The following SLC6A2 variants were observed in gnomAD, a reference collection of about 807,000 sequenced individuals.
SLC6A2 encodes sodium-dependent noradrenaline transporter.
Under a neutral mutation model 71.7 loss-of-function variants are expected in SLC6A2, and 26 were observed. That is an observed-to-expected ratio of 0.36 (90% confidence interval 0.27 to 0.50). The LOEUF is 0.50. Among genes scored for constraint, SLC6A2 ranks in the 20% least tolerant of loss-of-function variants. The pLI, the probability that SLC6A2 is intolerant of heterozygous loss-of-function variation, is 0.96. For synonymous variants in SLC6A2, 363 were observed against 337.9 expected (o/e 1.07, Z -0.82); for missense variants, 581 against 803.9 (o/e 0.72, Z 3.35).
chr16:55,661,208 A>G (rs1276727686), intron 2 of SLC6A2, among the ~76,000 whole-genome samples: 1 of 152,148 alleles, frequency 6.6e-6, no homozygotes, highest in African/African-American at 2.4e-5. Flanking sequence ...CTTCCAGGGA[A>G]GTGGCCACTG....
rs1352413784 is a variant in SLC6A2 at position 55,697,911 on chromosome 16, G to A, written c.1275G>A (p.Glu425=). The change falls in exon 10 of 15, where the codon GAG becomes GAA. Residue 425 remains glutamate (E), a synonymous_variant. Transcript: ENST00000568943. ...GTTCCCTCCAGATGGGAGGCATGGA[G>A]GCTGTCATCACGGGCCTGGCAGATG... ...LGLDSSMGGM[E]AVITGLADDF... is the part of the protein sequence containing the mutation. 6 of 1,614,004 alleles carry A rather than the reference G, an allele frequency of 3.7e-6. No individual in the cohort carries two copies. The highest frequency in any genetic ancestry group is 1.6e-4 in the Middle Eastern group (1 of 6,064).
In SLC6A2 at chr16:55,703,870, G is replaced by T; in HGVS notation, c.*1524G>T. 1.1e-6 allele frequency: 1 copy of T among 943,772 alleles called. No individual in the cohort carries two copies. The highest frequency in any genetic ancestry group is 1.3e-6 in the Non-Finnish European group (1 of 792,112). The allele number at this position is 943,772 out of a possible 1,614,324, so 58.5% of individuals were successfully genotyped here. On this transcript the variant is annotated 3_prime_UTR_variant, in exon 15 of 15. Transcript: ENST00000568943. ...AGGATTATGAGGGGACCAGGGTGGG[G>T]CAGGGAGATGGTTTTGTCTCCCAGG...
intron 4 of SLC6A2, 24 bp downstream of exon 4, chr16:55,672,199 G>A (rs1390431561): frequency 6.2e-7 from 1 of 1,614,194 alleles, no homozygotes. Flanking sequence ...CCCTTGTGCT[G>A]GGCCTGTTGA....
Position 55,700,200 on chromosome 16 carries a change from C to T in SLC6A2, c.1652C>T (p.Pro551Leu), listed in dbSNP as rs753493402. 109 of 1,613,932 alleles carry T rather than the reference C, an allele frequency of 6.8e-5. No individual in the cohort carries two copies. The highest frequency in any genetic ancestry group is 8.6e-5 in the Non-Finnish European group (102 of 1,179,964). The change falls in exon 13 of 15, where the codon CCG (proline) becomes CTG (leucine). Residue 551 changes from proline (P) to leucine (L), a missense_variant. Transcript: ENST00000568943. ...KPLTYDDYIF[P>L]PWANWVGWGI... Reference sequence around the variant, plus strand: ...CTCACCTACGACGACTACATCTTCCCGCCCTGGGCCAACTGGGTGGGGTGG... The same window carrying T: ...CTCACCTACGACGACTACATCTTCCTGCCCTGGGCCAACTGGGTGGGGTGG...
intron 4 of SLC6A2, among the ~76,000 whole-genome samples, chr16:55,684,220 A>C (rs536070040): frequency 1.3e-5 from 2 of 148,980 alleles, no homozygotes; most frequent in African/African-American, 4.9e-5. Context: ...GGACCACCTG[A>C]GCCTGGGGAG....
chr16:55,703,623 G>T lies in SLC6A2; in HGVS notation c.*1277G>T. On this transcript the variant is annotated 3_prime_UTR_variant, in exon 15 of 15. Coordinates refer to ENST00000568943, the MANE Select transcript of SLC6A2 (RefSeq NM_001172501.3). The stretch of plus-strand genomic sequence containing the variant: ...GTGGTGTTTAGTTTTAGTTCCGTAA[G>T]AGAAATGATTCCTAGTTTGCTAAAT... 6.1e-6 allele frequency: 6 copies of T among 985,428 alleles called. No individual in the cohort carries two copies. The highest frequency in any genetic ancestry group is 7.2e-6 in the Non-Finnish European group (6 of 829,934). The allele number at this position is 985,428 out of a possible 1,614,324, so 61.0% of individuals were successfully genotyped here.
chr16:55,673,446 C>T (rs1430746654), intron 4 of SLC6A2, among the ~76,000 whole-genome samples: 2 of 152,196 alleles, frequency 1.3e-5, no homozygotes, highest in Non-Finnish European at 2.9e-5. Context: ...TCTTGATTCT[C>T]ATCATACTTT....
chr16:55,692,082 G>C (rs765787370), intron 6 of SLC6A2, 30 bp downstream of exon 6: 2 of 1,613,678 alleles, frequency 1.2e-6, no homozygotes, highest in South Asian at 2.2e-5. Flanking sequence ...CAAGCCTTGG[G>C]CCAGGCTTGT....
intron 7 of SLC6A2, 21 bp downstream of exon 7, chr16:55,694,134 C>A: frequency 1.4e-6 from 2 of 1,443,868 alleles, no homozygotes; most frequent in Non-Finnish European, 2.0e-6. Flanking sequence ...TCTCAGAATT[C>A]TGAGAAGCTC....
intron 6 of SLC6A2, among the ~76,000 whole-genome samples, chr16:55,693,049 C>T (rs1394318222): frequency 2.6e-5 from 4 of 152,230 alleles, no homozygotes; most frequent in Non-Finnish European, 5.9e-5. Context: ...CTGTCTTCCC[C>T]CATCAGATCA....
At chr16:55,691,670 C>G (rs545203982) in intron 5 of SLC6A2, among the ~76,000 whole-genome samples, 3 of 152,238 alleles carry the variant, frequency 2.0e-5, no homozygotes, top group African/African-American at 7.2e-5. Context: ...TAGTGCTATC[C>G]CCACTGTGGC....
intron 4 of SLC6A2, among the ~76,000 whole-genome samples, chr16:55,675,279 G>A (rs570387969): frequency 1.5e-4 from 23 of 152,312 alleles, no homozygotes; most frequent in African/African-American, 5.1e-4. Context: ...ATGCTAGCAG[G>A]TAAGCAGAAA....
intron 3 of SLC6A2, among the ~76,000 whole-genome samples, 189 bp downstream of exon 3, chr16:55,669,885 A>C (rs1006950151): frequency 6.6e-6 from 1 of 152,196 alleles, no homozygotes; most frequent in African/African-American, 2.4e-5. Flanking sequence ...GAATAGCATT[A>C]GCATAGAAAT....
chr16:55,671,859 T>C (rs932457205), intron 3 of SLC6A2, 79 bp from the exon 4 acceptor site: 1 of 1,602,672 alleles, frequency 6.2e-7, no homozygotes, highest in Non-Finnish European at 8.5e-7. Flanking sequence ...GGGAGTGCAG[T>C]GGTGGAGCCA....
chr16:55,674,962 C>T (rs1217901278), intron 4 of SLC6A2, among the ~76,000 whole-genome samples: 4 of 152,188 alleles, frequency 2.6e-5, no homozygotes, highest in Non-Finnish European at 5.9e-5. Flanking sequence ...AATTTACATT[C>T]CCACCAACAG....
At chr16:55,701,743 G>A (rs1965976881) in intron 13 of SLC6A2, 120 bp from the exon 14 acceptor site, 2 of 781,110 alleles carry the variant, frequency 2.6e-6, no homozygotes, top group Non-Finnish European at 4.7e-6. Context: ...GACCCCAAAT[G>A]CTATCCATGT....
intron 4 of SLC6A2, among the ~76,000 whole-genome samples, chr16:55,679,433 A>T (rs1445358783): frequency 1.3e-5 from 2 of 151,804 alleles, no homozygotes; most frequent in African/African-American, 2.4e-5. Flanking sequence ...CACCATGTTG[A>T]CCAGACTGAT....
At chr16:55,695,487 T>A in intron 8 of SLC6A2, 85 bp downstream of exon 8, 2 of 1,475,210 alleles carry the variant, frequency 1.4e-6, no homozygotes, top group Non-Finnish European at 1.9e-6. Flanking sequence ...GGCTCTTCCG[T>A]GGCTGTAGGA....
At position 55,671,880 on chromosome 16, in the gene SLC6A2, G is replaced by A. The variant is rs570914043; in HGVS notation, c.407-58G>A. 2.5e-6 allele frequency: 4 copies of A among 1,611,968 alleles called. No homozygotes were observed. The South Asian group carries it at 4.4e-5, about 18-fold the overall frequency. Reference sequence around the variant, plus strand: ...GCAGTGGTGGAGCCACACCCAAGGAGAGGTGGCTGTGGGGCTGGGCCTGGG... The same window carrying A: ...GCAGTGGTGGAGCCACACCCAAGGAAAGGTGGCTGTGGGGCTGGGCCTGGG... On this transcript the variant is annotated intron_variant, in intron 3 of 14. Transcript: ENST00000568943.
Sources: allele counts gnomAD v4.1 joint callset (sites outside exome capture counted in the v4.1 genomes callset), GRCh38; gene constraint gnomAD v4.1.1; transcripts MANE v1.5; gene names NCBI Gene and HGNC (gene_info 2026-07-23, HGNC 2026-07-21).